HPSE2: variants seen among roughly 807,000 people sequenced by gnomAD.
HPSE2 encodes the protein inactive heparanase-2.
HPSE2 carries 38 observed loss-of-function variants against 60.5 expected under a neutral mutation model. That is an observed-to-expected ratio of 0.63 (90% CI 0.48 to 0.82). The LOEUF (loss-of-function observed/expected upper bound fraction) is 0.82. HPSE2 is among the 40% of genes least tolerant of loss of function. HPSE2 has a pLI of 0.00. For missense variants in HPSE2, 713 were observed against 740.4 expected, an observed-to-expected ratio of 0.96 and a Z score of 0.43; for synonymous variants, 295 against 293.2, an observed-to-expected ratio of 1.01 and a Z score of -0.06.
chr10:98,861,867 C>T (rs543694676), intron 3 of HPSE2, among the ~76,000 whole-genome samples: 29 of 152,030 alleles, frequency 1.9e-4, no homozygotes, highest in Non-Finnish European at 2.5e-4. Context: ...TGGTAAAGAA[C>T]GTGGCAACTG....
intron 6 of HPSE2, among the ~76,000 whole-genome samples, chr10:98,683,060 G>C (rs1338221759): frequency 6.6e-6 from 1 of 152,210 alleles, no homozygotes; most frequent in African/African-American, 2.4e-5. Flanking sequence ...TGGTAGAATA[G>C]AGAATTCTTC....
At chr10:99,265,138 C>A in the HPSE2 span, among the ~76,000 whole-genome samples, 2 of 152,132 alleles carry the variant, frequency 1.3e-5, no homozygotes, top group African/African-American at 4.8e-5. Flanking sequence ...GTGATTTGTT[C>A]CTGCCGCACC....
intron 2 of HPSE2, among the ~76,000 whole-genome samples, chr10:99,147,820 G>A (rs952541946): frequency 6.6e-6 from 1 of 152,126 alleles, no homozygotes; most frequent in African/African-American, 2.4e-5. Context: ...AATATATCTG[G>A]AGGAAGAGTT....
At chr10:98,755,394 A>G (rs1949854808) in intron 3 of HPSE2, among the ~76,000 whole-genome samples, 1 of 152,194 alleles carries the variant, frequency 6.6e-6, no homozygotes, top group Non-Finnish European at 1.5e-5. Context: ...AGAACTATGA[A>G]GAGATTTAGA....
chr10:98,529,366 C>A (rs1295812683), intron 9 of HPSE2, among the ~76,000 whole-genome samples: 2 of 152,154 alleles, frequency 1.3e-5, no homozygotes, highest in Non-Finnish European at 2.9e-5. Context: ...AATGCACATA[C>A]CCTTTAACCC....
chr10:99,124,231 C>T lies in HPSE2; in HGVS notation c.610+20007G>A, dbSNP rs575565814. ...AGTCTGACTGAGTCCAGGGTTTTTA[C>T]GGGCTTAGAAGGGAGAAAGTGTGTA... On this transcript the variant is annotated intron_variant, in intron 3 of 11. Transcript: ENST00000370552. Among the ~76,000 whole-genome samples, 7 of 152,240 alleles carry T rather than the reference C, an allele frequency of 4.6e-5. No homozygotes were observed. In the South Asian group the frequency reaches 8.3e-4, roughly 18 times the overall value.
chr10:98,600,911 G>GTA (rs71007402), intron 9 of HPSE2, among the ~76,000 whole-genome samples: 4,649 of 73,474 alleles, frequency 0.063, 156 homozygotes, highest in African/African-American at 0.087. Context: ...ATGTGTGTGT[G>GTA]TATATATATA....
intron 3 of HPSE2, among the ~76,000 whole-genome samples, chr10:98,894,355 A>T (rs1184420926): frequency 1.3e-5 from 2 of 152,206 alleles, no homozygotes; most frequent in African/African-American, 4.8e-5. Context: ...CATGTTTTCT[A>T]TGTTTAATGA....
chr10:99,235,919 A>G, upstream of HPSE2: 1 of 599,882 alleles, frequency 1.7e-6, no homozygotes. Flanking sequence ...TCCTCCCACC[A>G]CCCCCCCAAC....
At chr10:98,665,236 A>T (rs1226970030) in intron 6 of HPSE2, among the ~76,000 whole-genome samples, 3 of 152,046 alleles carry the variant, frequency 2.0e-5, no homozygotes, top group African/African-American at 7.3e-5. Flanking sequence ...AGACAAAACT[A>T]AAGGAAAAAA....
chr10:99,262,998 C>G, the HPSE2 span, among the ~76,000 whole-genome samples: 1 of 152,170 alleles, frequency 6.6e-6, no homozygotes, highest in Non-Finnish European at 1.5e-5. Context: ...AATTCTTACA[C>G]AAGAGCCAGG....
the HPSE2 span, among the ~76,000 whole-genome samples, chr10:99,249,091 T>C: frequency 3.3e-5 from 5 of 152,064 alleles, no homozygotes; most frequent in Admixed American, 6.6e-5. Flanking sequence ...AAATGTGGGG[T>C]TGGATCCCAC....
intron 3 of HPSE2, among the ~76,000 whole-genome samples, chr10:98,873,357 C>T (rs1589986177): frequency 6.6e-6 from 1 of 151,960 alleles, no homozygotes; most frequent in Non-Finnish European, 1.5e-5. Context: ...TGCCTTCCCT[C>T]ACCCTCCACC....
chr10:98,885,582 T>TG (rs1427554196), intron 3 of HPSE2, among the ~76,000 whole-genome samples: 3 of 152,102 alleles, frequency 2.0e-5, no homozygotes, highest in Non-Finnish European at 4.4e-5. Flanking sequence ...ACCACCACCT[T>TG]GATTAGTCAG....
the HPSE2 span, among the ~76,000 whole-genome samples, chr10:99,276,948 C>T: frequency 6.6e-6 from 1 of 152,158 alleles, no homozygotes; most frequent in Non-Finnish European, 1.5e-5. Flanking sequence ...ACTTCTGTCA[C>T]CCGCTTAGAA....
At chr10:98,820,635 C>A (rs1951402304) in intron 3 of HPSE2, among the ~76,000 whole-genome samples, 1 of 152,166 alleles carries the variant, frequency 6.6e-6, no homozygotes, top group Admixed American at 6.5e-5. Flanking sequence ...CAATCATCAG[C>A]TCTCTTTCTT....
chr10:99,071,173 G>A (rs142342553), intron 3 of HPSE2, among the ~76,000 whole-genome samples: 2,744 of 150,870 alleles, frequency 0.018, 87 homozygotes, highest in African/African-American at 0.063. Context: ...AGGTTCAAGC[G>A]ATTCTCCTGA....
intron 3 of HPSE2, among the ~76,000 whole-genome samples, chr10:98,803,873 C>G (rs1255243501): frequency 6.6e-6 from 1 of 151,870 alleles, no homozygotes; most frequent in African/African-American, 2.4e-5. Flanking sequence ...TCATTGGTAG[C>G]TTGATGGGGA....
intron 9 of HPSE2, among the ~76,000 whole-genome samples, chr10:98,515,617 T>C (rs1040199118): frequency 1.3e-5 from 2 of 152,230 alleles, no homozygotes; most frequent in African/African-American, 4.8e-5. Context: ...GATATACATA[T>C]AAATGAAAAT....
Sources: gnomAD v4.1 joint callset for allele counts (sites outside exome capture counted in the v4.1 genomes callset) on GRCh38, gnomAD v4.1.1 for gene constraint, MANE v1.5 for transcripts, NCBI Gene and HGNC (gene_info 2026-07-23, HGNC 2026-07-21) for gene names.